The following HS3ST5 variants were observed in gnomAD, a reference collection of about 807,000 sequenced individuals.
HS3ST5 encodes the protein heparan sulfate-glucosamine 3-sulfotransferase 5, also known as heparan sulfate glucosamine 3-O-sulfotransferase 5.
In HS3ST5, 10 loss-of-function variants were observed where a neutral mutation model predicts 25.4. That is an observed-to-expected ratio of 0.39 (90% CI 0.24 to 0.67). HS3ST5 has a LOEUF of 0.67. HS3ST5 is among the 30% of genes least tolerant of loss of function. The probability of loss-of-function intolerance (pLI) is 0.44; values close to 1 mark genes in which losing one functional copy is unlikely to be tolerated. For missense variants in HS3ST5, 324 were observed against 420.7 expected (o/e 0.77, Z 2.01); for synonymous variants, 170 against 162.4 (o/e 1.05, Z -0.36).
intron 3 of HS3ST5, among the ~76,000 whole-genome samples, chr6:114,107,285 A>G (rs1469038337): frequency 6.6e-6 from 1 of 152,188 alleles, no homozygotes; most frequent in Non-Finnish European, 1.5e-5. Context: ...TAAAAAAGAA[A>G]AACCATATGA....
At chr6:114,305,919 C>T (rs1246777289) in intron 1 of HS3ST5, among the ~76,000 whole-genome samples, 1 of 152,034 alleles carries the variant, frequency 6.6e-6, no homozygotes, top group East Asian at 1.9e-4. Flanking sequence ...ATTTGAGAAG[C>T]AGGATTGACA....
chr6:114,225,592 A>G (rs925980), intron 2 of HS3ST5, among the ~76,000 whole-genome samples: 147,271 of 151,962 alleles, frequency 0.97, 71,541 homozygotes, highest in East Asian at 1. Context: ...ACTTCACTAA[A>G]TCCTTCAAAA....
rs565335883 is a variant in HS3ST5, at chr6:114,342,471, C to CG, written c.-616dup. 5.0e-3 allele frequency: 902 copies of CG among 180,726 alleles called. 5 individuals are homozygous for CG. The highest frequency in any genetic ancestry group is 0.02 in the African/African-American group (828 of 41,814). 11.2% of individuals were successfully genotyped at this position (180,726 alleles called of 1,614,324 possible). On this transcript the variant is annotated 5_prime_UTR_variant, in exon 1 of 5. Transcript: ENST00000312719. Reference sequence around the variant, plus strand: ...GCGAGGTCTGAGGCGGGGAGCCGGGCGGGGGGGCAGGCGGGCGAGAAGTAG... The same window carrying CG: ...GCGAGGTCTGAGGCGGGGAGCCGGGCGGGGGGGGCAGGCGGGCGAGAAGTAG...
At chr6:114,204,558 G>T (rs181458068) in intron 2 of HS3ST5, among the ~76,000 whole-genome samples, 193 of 152,096 alleles carry the variant, frequency 1.3e-3, no homozygotes, top group Middle Eastern at 6.8e-3. Context: ...TTCTGTACTG[G>T]TAATTCATAT....
rs144333146 is a variant in HS3ST5, at chr6:114,058,147, G to A, written c.151C>T (p.Arg51Cys). The A allele has an allele frequency of 1.2e-5, 20 of 1,611,708 alleles. No individual in the cohort carries two copies. The highest frequency in any genetic ancestry group is 1.6e-4 in the Middle Eastern group (1 of 6,078). Residue 51 changes from arginine to cysteine, a missense_variant, in exon 5 of 5, where the codon CGC becomes TGC. This residue lies in a region of HS3ST5 where 121 missense variants were observed against 117.3 expected (regional missense o/e 1.03). Transcript: ENST00000312719. Reference sequence around the variant, plus strand: ...CGAAGTGGGAATTCAGCCTGAGTGCGGGCTCCACCCAGTCGACCTTCAATG... The same window carrying A: ...CGAAGTGGGAATTCAGCCTGAGTGCAGGCTCCACCCAGTCGACCTTCAATG... ...CPIEGRLGGA[R>C]TQAEFPLRAL... is the part of the protein sequence containing the mutation.
At chr6:114,148,257 C>T (rs1315485892) in intron 3 of HS3ST5, among the ~76,000 whole-genome samples, 2 of 152,236 alleles carry the variant, frequency 1.3e-5, no homozygotes, top group East Asian at 3.9e-4. Context: ...TGGACCCCTT[C>T]CTTACACCTT....
At chr6:114,166,681 C>T (rs930735411) in intron 3 of HS3ST5, among the ~76,000 whole-genome samples, 4 of 152,176 alleles carry the variant, frequency 2.6e-5, no homozygotes, top group Admixed American at 2.6e-4. Context: ...AAATTGTGTT[C>T]GATGTTTCTG....
chr6:114,182,765 T>C (rs1780032157), intron 2 of HS3ST5, among the ~76,000 whole-genome samples: 1 of 152,212 alleles, frequency 6.6e-6, no homozygotes, highest in East Asian at 1.9e-4. Flanking sequence ...TGTGATTTAC[T>C]GTCACCTTGA....
chr6:114,167,306 C>T (rs1284876779), intron 3 of HS3ST5, among the ~76,000 whole-genome samples: 3 of 152,032 alleles, frequency 2.0e-5, no homozygotes, highest in Admixed American at 2.0e-4. Flanking sequence ...CACAGTGTTC[C>T]TGTTTTGAGG....
At chr6:114,328,314 T>G (rs1195750709) in intron 1 of HS3ST5, among the ~76,000 whole-genome samples, 1 of 152,030 alleles carries the variant, frequency 6.6e-6, no homozygotes, top group Non-Finnish European at 1.5e-5. Context: ...CAGAAATTAC[T>G]TATTTACAGG....
intron 2 of HS3ST5, among the ~76,000 whole-genome samples, chr6:114,211,893 T>C (rs1271182097): frequency 6.6e-6 from 1 of 152,214 alleles, no homozygotes; most frequent in African/African-American, 2.4e-5. Flanking sequence ...GGGAAAAATA[T>C]CCTCAAGTAA....
chr6:114,335,151 T>G (rs1033930124), intron 1 of HS3ST5, among the ~76,000 whole-genome samples: 4 of 152,122 alleles, frequency 2.6e-5, no homozygotes, highest in Admixed American at 1.3e-4. Context: ...CTCCACCCCT[T>G]TAGCTCTGGG....
chr6:114,308,682 C>T (rs763697111), intron 1 of HS3ST5, among the ~76,000 whole-genome samples: 1 of 152,158 alleles, frequency 6.6e-6, no homozygotes, highest in Non-Finnish European at 1.5e-5. Flanking sequence ...TGACATAGAC[C>T]TGTAGCTCAT....
At chr6:114,095,028 C>T (rs2114804301) in intron 3 of HS3ST5, among the ~76,000 whole-genome samples, 1 of 152,294 alleles carries the variant, frequency 6.6e-6, no homozygotes, top group East Asian at 1.9e-4. Flanking sequence ...CCGTAGGTGA[C>T]ACCTTGATGG....
intron 3 of HS3ST5, among the ~76,000 whole-genome samples, chr6:114,066,905 T>C (rs1408844699): frequency 6.6e-6 from 1 of 152,226 alleles, no homozygotes; most frequent in Non-Finnish European, 1.5e-5. Flanking sequence ...TTTTTGGTTG[T>C]TCACTGGATC....
chr6:114,065,944 C>T (rs1022487275), intron 3 of HS3ST5, among the ~76,000 whole-genome samples: 1 of 152,170 alleles, frequency 6.6e-6, no homozygotes, highest in Non-Finnish European at 1.5e-5. Context: ...CTCCTTGGTC[C>T]ACCTGTCTGT....
intron 1 of HS3ST5, among the ~76,000 whole-genome samples, chr6:114,337,331 C>T (rs779541071): frequency 3.0e-4 from 46 of 152,100 alleles, no homozygotes; most frequent in Non-Finnish European, 6.6e-4. Flanking sequence ...CTGTGTGTAT[C>T]CAAGTCTGAG....
At chr6:114,341,222 G>GGAGGGAGA (rs1776840967) in intron 1 of HS3ST5, among the ~76,000 whole-genome samples, 15 of 46,600 alleles carry the variant, frequency 3.2e-4, no homozygotes, top group Admixed American at 2.6e-4. Context: ...GGAGAGAGGG[G>GGAGGGAGA]GAGAGAGAGA....
intron 2 of HS3ST5, among the ~76,000 whole-genome samples, chr6:114,202,130 A>T (rs1182883967): frequency 1.3e-5 from 2 of 152,124 alleles, no homozygotes; most frequent in Non-Finnish European, 2.9e-5. Context: ...TTAAAAAAAA[A>T]TTTCAAAAGG....
Sources: allele counts gnomAD v4.1 joint callset (sites outside exome capture counted in the v4.1 genomes callset), GRCh38; gene constraint gnomAD v4.1.1; regional missense constraint gnomAD v4.1.1; transcripts MANE v1.5; gene names NCBI Gene and HGNC (gene_info 2026-07-23, HGNC 2026-07-21).